The following MUC6 variants were observed in gnomAD, a reference collection of about 807,000 sequenced individuals.
MUC6 encodes the protein mucin 6, oligomeric mucus/gel-forming (gene/pseudogene).
A neutral mutation model predicts 201.5 loss-of-function variants in MUC6; 188 were observed. That is an observed-to-expected ratio of 0.93 (90% CI 0.83 to 1.05). The LOEUF (loss-of-function observed/expected upper bound fraction) is 1.05. Ranked by LOEUF, MUC6 falls within the 50% of genes least tolerant of loss-of-function variation. The pLI is 0.00. For missense variants in MUC6, 2,706 were observed against 3,256.9 expected, an observed-to-expected ratio of 0.83 and a Z score of 4.12; for synonymous variants, 1,228 against 1,389.4, an observed-to-expected ratio of 0.88 and a Z score of 2.58.
Position 1,016,573 on chromosome 11 carries a change from G to A in MUC6, c.6228C>T (p.Ser2076=). 1 of 1,613,596 alleles carries A rather than the reference G, an allele frequency of 6.2e-7. No individual in the cohort carries two copies. The highest frequency in any genetic ancestry group is 8.5e-7 in the Non-Finnish European group (1 of 1,179,510). ...VTTSGTSQTH[S]SFSTATASSS... ...AAGAGGCTGTAGCTGTGCTGAATGA[G>A]CTGTGGGTTTGGCTGGTCCCACTGG... Residue 2076 remains serine, a synonymous_variant, in exon 31 of 33, where the codon AGC becomes AGT. Coordinates refer to ENST00000421673, the MANE Select transcript of MUC6 (RefSeq NM_005961.3).
rs750161104 is a variant in MUC6 at position 1,016,243 on chromosome 11, A to G, written c.6558T>C (p.His2186=). The change falls in exon 31 of 33, where the codon CAT becomes CAC. Residue 2186 remains histidine (H), a synonymous_variant. Coordinates refer to ENST00000421673, the MANE Select transcript of MUC6 (RefSeq NM_005961.3). ...SSGSHSSLST[H]PTTASVSASP... The stretch of plus-strand genomic sequence containing the variant: ...ATGCAGACACTGATGCAGTCGTGGG[A>G]TGAGTGGACAATGAGGAGTGTGACC... The G allele has an allele frequency of 3.7e-6, 6 of 1,613,124 alleles. No homozygotes were observed. In the Admixed American group the frequency reaches 5.0e-5, roughly 13 times the overall value.
chr11:1,031,772 T>C (rs960867151), intron 3 of MUC6, 39 bp from the exon 4 acceptor site: 17 of 1,552,472 alleles, frequency 1.1e-5, no homozygotes, highest in African/African-American at 2.7e-5. Context: ...TCCTCAGTCC[T>C]CCGGCCCCCG....
chr11:1,023,824 G>A (rs148989610), intron 25 of MUC6, 123 bp downstream of exon 25: 23,395 of 1,451,598 alleles, frequency 0.016, 233 homozygotes, highest in Non-Finnish European at 0.019. Context: ...GGGTGGCCCC[G>A]CAGGGCACAG....
rs774312860 is a variant in MUC6, at chr11:1,028,030, G to C, written c.1783C>G (p.Leu595Val). The C allele has an allele frequency of 5.7e-6, 9 of 1,582,378 alleles. No homozygotes were observed. The East Asian group carries it at 2.1e-4, about 37-fold the overall frequency. The stretch of plus-strand genomic sequence containing the variant: ...TCGAACACCGTGCCTGTCCTCAGCA[G>C]CATGGAGCAGTGGGTCTCTGCACAC... The part of the protein sequence containing the change: ...KVCAETHCSM[L>V]LRTGTVFERC... Residue 595 changes from leucine (L) to valine (V), a missense_variant, in exon 15 of 33, where the codon CTG becomes GTG. Leu to Val is a conservative substitution (Grantham distance 32). This residue lies in a region of MUC6 where 1,850 missense variants were observed against 1,958.3 expected (regional missense o/e 0.94). Coordinates refer to ENST00000421673, the MANE Select transcript of MUC6 (RefSeq NM_005961.3).
At chr11:1,032,259 C>T (rs898549819) in intron 2 of MUC6, among the ~76,000 whole-genome samples, 6 of 152,266 alleles carry the variant, frequency 3.9e-5, no homozygotes, top group Admixed American at 6.5e-5. Context: ...TGTGCACACA[C>T]GTGTGTGTGG....
chr11:1,023,536 G>A lies in MUC6; in HGVS notation c.3499C>T (p.Gln1167Ter). The A allele has an allele frequency of 1.2e-6, 2 of 1,600,686 alleles. No individual in the cohort carries two copies. Among genetic ancestry groups the A allele is most frequent in the Non-Finnish European group, 8.5e-7 (1 of 1,173,884 alleles). ...YQPCLCPSQP[Q>*]SVPGSNIEGC... ...TCGATGTTGCTGCCTGGGACGCTCT[G>A]TGGCTGGCTGGGGCAGAGGCAGGGC... Residue 1167 changes from glutamine to a stop codon, truncating the protein, a stop_gained, in exon 26 of 33, where the codon CAG becomes TAG. Coordinates refer to ENST00000421673, the MANE Select transcript of MUC6 (RefSeq NM_005961.3). LOFTEE classifies it high-confidence loss of function.
intron 8 of MUC6, among the ~76,000 whole-genome samples, 158 bp downstream of exon 8, chr11:1,030,055 G>A (rs992302995): frequency 2.6e-5 from 4 of 152,184 alleles, no homozygotes; most frequent in African/African-American, 2.4e-5. Context: ...GCGTCCAGGC[G>A]GGAAAAGCCT....
chr11:1,029,669 C>A, intron 8 of MUC6, 54 bp from the exon 9 acceptor site: 1 of 1,514,468 alleles, frequency 6.6e-7, no homozygotes, highest in South Asian at 1.3e-5. Flanking sequence ...CTCCCACTCT[C>A]CCCTCCCTGG....
intron 1 of MUC6, among the ~76,000 whole-genome samples, chr11:1,034,089 G>A (rs1857167680): frequency 6.6e-6 from 1 of 152,198 alleles, no homozygotes; most frequent in South Asian, 2.1e-4. Flanking sequence ...GTGACGCAGG[G>A]GCAGGGGCCT....
At chr11:1,019,019 C>T (rs1856748520) in intron 30 of MUC6, among the ~76,000 whole-genome samples, 2 of 152,164 alleles carry the variant, frequency 1.3e-5, no homozygotes, top group African/African-American at 4.8e-5. Context: ...GAACCCAGGC[C>T]CTACTTTATC....
rs1221847821 is a variant in MUC6 at position 1,023,648 on chromosome 11, G to A, written c.3387C>T (p.Ile1129=). The change falls in exon 26 of 33, where the codon ATC becomes ATT. Residue 1129 remains isoleucine, a synonymous_variant. Coordinates refer to ENST00000421673, the MANE Select transcript of MUC6 (RefSeq NM_005961.3). ...TGTGCGTGTTGTAGAAGCCGCAGTA[G>A]ATGGCTGGGAGGAAGGGAGCTGTCA... ...VDWRTPAFCP[I]YCGFYNTHTQ... 3 of 1,612,212 alleles carry A rather than the reference G, an allele frequency of 1.9e-6. No individual in the cohort carries two copies. Among genetic ancestry groups the A allele is most frequent in the African/African-American group, 2.7e-5 (2 of 74,908 alleles).
At position 1,027,064 on chromosome 11, in the gene MUC6, G is replaced by C; in HGVS notation, c.2285-14C>G. ...CCTGGCAGGAGGCTGCAGGAAAGAG[G>C]GGTGCGCGGTCAGGACACTCAGAGG... is the stretch of plus-strand genomic sequence containing the variant. On this transcript the variant is annotated splice_polypyrimidine_tract_variant and intron_variant, in intron 18 of 32. Coordinates refer to ENST00000421673, the MANE Select transcript of MUC6 (RefSeq NM_005961.3). The C allele has an allele frequency of 6.2e-7, 1 of 1,604,988 alleles. No homozygotes were observed. Among genetic ancestry groups the C allele is most frequent in the Non-Finnish European group, 8.5e-7 (1 of 1,176,398 alleles).
At chr11:1,027,553 G>T in intron 16 of MUC6, 36 bp from the exon 17 acceptor site, 1 of 1,607,044 alleles carries the variant, frequency 6.2e-7, no homozygotes, top group Non-Finnish European at 8.5e-7. Flanking sequence ...CTCCGGGAGG[G>T]GGCGGCCGGG....
In MUC6 at chr11:1,016,293, CG is replaced by C. The variant is rs748596100; in HGVS notation, c.6507del (p.Val2170CysfsTer6). On this transcript the variant is annotated frameshift_variant, in exon 31 of 33. Coordinates refer to ENST00000421673, the MANE Select transcript of MUC6 (RefSeq NM_005961.3). LOFTEE classifies it high-confidence loss of function. ...VGTSSSFVSAPVHSTTLSSGS... is the reference protein window; with the variant it reads ...VGTSSSFVSAXVHSTTLSSGS... Reference sequence around the variant, plus strand: ...CCCGAGCTCAGGGTTGTGGAGTGCACGGGGGCGGACACGAAAGAGGAAGATG... The same window carrying C: ...CCCGAGCTCAGGGTTGTGGAGTGCACGGGGCGGACACGAAAGAGGAAGATG... 1 of 1,611,856 alleles carries C rather than the reference CG, an allele frequency of 6.2e-7. No individual in the cohort carries two copies. The highest frequency in any genetic ancestry group is 8.5e-7 in the Non-Finnish European group (1 of 1,179,276).
intron 1 of MUC6, 48 bp downstream of exon 1, chr11:1,036,556 G>A: frequency 6.5e-7 from 1 of 1,544,494 alleles, no homozygotes; most frequent in Non-Finnish European, 8.7e-7. Context: ...CGCACACAGG[G>A]CCCCTCTGAG....
chr11:1,032,906 T>G, intron 2 of MUC6, 107 bp downstream of exon 2: 4 of 904,674 alleles, frequency 4.4e-6, no homozygotes, highest in Non-Finnish European at 5.0e-6. Flanking sequence ...CATATATGTG[T>G]GTTGGATGTG....
chr11:1,025,039 C>T lies in MUC6; in HGVS notation c.3030G>A (p.Lys1010=). The T allele has an allele frequency of 1.9e-6, 3 of 1,612,982 alleles. No homozygotes were observed. Among genetic ancestry groups the T allele is most frequent in the Non-Finnish European group, 2.5e-6 (3 of 1,179,822 alleles). ...ACCTGCTGCGCGTCTCGAAGTCGTC[C>T]TTCATGTTCCCGTTGAAGTTGCCAC... The part of the protein sequence containing the change: ...GLCGNFNGNM[K]DDFETRSRYV... Residue 1010 remains lysine, a synonymous_variant, in exon 24 of 33, where the codon AAG becomes AAA. Coordinates refer to ENST00000421673, the MANE Select transcript of MUC6 (RefSeq NM_005961.3).
chr11:1,032,845 A>G (rs1477609267), intron 2 of MUC6, among the ~76,000 whole-genome samples, 168 bp downstream of exon 2: 1 of 144,202 alleles, frequency 6.9e-6, no homozygotes, highest in African/African-American at 2.6e-5. Flanking sequence ...GCATGTGTAT[A>G]TTGGGTATGT....
Position 1,032,770 on chromosome 11 carries a change from G to A in MUC6, c.115+243C>T, listed in dbSNP as rs572085981. Among the ~76,000 whole-genome samples, 14 of 151,378 alleles carry A rather than the reference G, an allele frequency of 9.2e-5. No individual in the cohort carries two copies. In the South Asian group the frequency reaches 2.5e-3, roughly 27 times the overall value. ...GTTGTGTGTCTGTGTAGAGTGTTGG[G>A]TGTGTGTGTGACGTGTGCTCATGCA... On this transcript the variant is annotated intron_variant, in intron 2 of 32. Transcript: ENST00000421673.
Sources: allele counts gnomAD v4.1 joint callset (sites outside exome capture counted in the v4.1 genomes callset), GRCh38; gene constraint gnomAD v4.1.1; regional missense constraint gnomAD v4.1.1; transcripts MANE v1.5; gene names NCBI Gene and HGNC (gene_info 2026-07-23, HGNC 2026-07-21).